The following DLGAP1 variants were observed in gnomAD, a reference collection of about 807,000 sequenced individuals.
The protein encoded by DLGAP1 is DLG associated protein 1.
Under a neutral mutation model 90.8 loss-of-function variants are expected in DLGAP1, and 11 were observed. The ratio of observed to expected loss-of-function variants is 0.12; its 90% CI spans 0.08 to 0.20. The LOEUF (loss-of-function observed/expected upper bound fraction) is 0.20, where lower values mean the gene tolerates loss of function less well. DLGAP1 is among the 10% of genes least tolerant of loss of function. The pLI, the probability that DLGAP1 is intolerant of heterozygous loss-of-function variation, is 1.00. For synonymous variants in DLGAP1, 558 were observed against 540.7 expected, an observed-to-expected ratio of 1.03 and a Z score of -0.44; for missense variants, 1,050 against 1,333.8, an observed-to-expected ratio of 0.79 and a Z score of 3.31.
chr18:4,110,285 A>T (rs8088728), intron 2 of DLGAP1, among the ~76,000 whole-genome samples: 78,830 of 152,054 alleles, frequency 0.52, 22,123 homozygotes, highest in African/African-American at 0.75. Context: ...TATTGAAACA[A>T]AGAAAAAGTA....
intron 2 of DLGAP1, among the ~76,000 whole-genome samples, chr18:4,149,801 C>T (rs2076643861): frequency 1.3e-5 from 2 of 152,218 alleles, no homozygotes; most frequent in Admixed American, 6.5e-5. Flanking sequence ...CCCCACCTCC[C>T]CACCCTGTCC....
intron 3 of DLGAP1, among the ~76,000 whole-genome samples, chr18:3,989,164 T>C (rs560317255): frequency 6.6e-6 from 1 of 152,358 alleles, no homozygotes; most frequent in East Asian, 1.9e-4. Flanking sequence ...TGGAGCAGCC[T>C]AGCTTGCGTC....
intron 5 of DLGAP1, among the ~76,000 whole-genome samples, chr18:3,785,358 C>T (rs897570159): frequency 2.0e-5 from 3 of 152,100 alleles, no homozygotes; most frequent in South Asian, 2.1e-4. Context: ...ACATCCCCTT[C>T]GCCCTCTGAA....
chr18:4,039,652 G>C (rs1318273174), intron 2 of DLGAP1, among the ~76,000 whole-genome samples: 1 of 152,132 alleles, frequency 6.6e-6, no homozygotes, highest in Non-Finnish European at 1.5e-5. Flanking sequence ...TGTAAAGTAA[G>C]CATGGGTTAA....
chr18:4,061,432 T>C (rs766694341), intron 2 of DLGAP1, among the ~76,000 whole-genome samples: 1 of 152,184 alleles, frequency 6.6e-6, no homozygotes, highest in Non-Finnish European at 1.5e-5. Context: ...GGGGTATTAT[T>C]CAGTTTACCC....
At chr18:3,536,683 A>C (rs2052399977) in intron 9 of DLGAP1, among the ~76,000 whole-genome samples, 1 of 152,126 alleles carries the variant, frequency 6.6e-6, no homozygotes, top group Non-Finnish European at 1.5e-5. Flanking sequence ...CTGTGCCTTT[A>C]ATTTTCTTTT....
At chr18:4,111,642 G>A (rs1325720722) in intron 2 of DLGAP1, among the ~76,000 whole-genome samples, 1 of 151,972 alleles carries the variant, frequency 6.6e-6, no homozygotes, top group Non-Finnish European at 1.5e-5. Flanking sequence ...CTTATAGGTC[G>A]ATTTAGATTT....
At chr18:4,250,257 G>C (rs747660834) in intron 1 of DLGAP1, among the ~76,000 whole-genome samples, 12 of 152,288 alleles carry the variant, frequency 7.9e-5, no homozygotes, top group Non-Finnish European at 1.5e-4. Context: ...TTAACCAAGA[G>C]GGCAAAATAT....
At chr18:3,583,622 T>C (rs781472569) in intron 7 of DLGAP1, among the ~76,000 whole-genome samples, 2 of 152,194 alleles carry the variant, frequency 1.3e-5, no homozygotes, top group Non-Finnish European at 2.9e-5. Flanking sequence ...CTCCCTAAAG[T>C]GTCTTTCTTT....
At chr18:4,146,393 A>G (rs1015461222) in intron 2 of DLGAP1, among the ~76,000 whole-genome samples, 1 of 152,204 alleles carries the variant, frequency 6.6e-6, no homozygotes. Context: ...CTGCCTTTTC[A>G]ACTCTATTTT....
intron 4 of DLGAP1, chr18:3,874,396 G>A (rs2148814147): frequency 1.4e-6 from 2 of 1,448,412 alleles, no homozygotes; most frequent in East Asian, 2.5e-5. Context: ...CTGTTTGAAG[G>A]GATTTTTCTT....
chr18:4,117,207 C>T lies in DLGAP1; in HGVS notation c.-159+33973G>A, dbSNP rs370042396. Among the ~76,000 whole-genome samples the T allele has an allele frequency of 8.2e-4, 125 of 152,304 alleles. 1 individual carries two copies. Among genetic ancestry groups the T allele is most frequent in the African/African-American group, 2.9e-3 (122 of 41,574 alleles). On this transcript the variant is annotated intron_variant, in intron 2 of 12. Coordinates refer to ENST00000315677, the MANE Select transcript of DLGAP1 (RefSeq NM_004746.4). ...CAAAAGAAACCAACACTGCTTACAT[C>T]TTGATCTTAGACTTCTAGCATCCAG...
chr18:4,029,840 C>T (rs2074764201), intron 2 of DLGAP1, among the ~76,000 whole-genome samples: 2 of 152,192 alleles, frequency 1.3e-5, no homozygotes, highest in Non-Finnish European at 2.9e-5. Context: ...GTAAGGCCCT[C>T]CACGATGGCC....
intron 5 of DLGAP1, among the ~76,000 whole-genome samples, chr18:3,771,820 A>C (rs947787910): frequency 6.6e-6 from 1 of 150,438 alleles, no homozygotes; most frequent in Non-Finnish European, 1.5e-5. Context: ...AGGTCTACTA[A>C]CTGCCTGCCC....
intron 1 of DLGAP1, among the ~76,000 whole-genome samples, chr18:4,223,653 T>C (rs2078126062): frequency 6.6e-6 from 1 of 152,208 alleles, no homozygotes. Context: ...ACCAGATATG[T>C]AAAGGCATTA....
chr18:3,854,132 A>T (rs1034328318), intron 4 of DLGAP1, among the ~76,000 whole-genome samples: 4 of 152,228 alleles, frequency 2.6e-5, no homozygotes, highest in Non-Finnish European at 4.4e-5. Flanking sequence ...AACACCTGTA[A>T]CAAAGTAATA....
chr18:3,560,734 A>AT (rs1210289155), intron 9 of DLGAP1, among the ~76,000 whole-genome samples: 9 of 150,404 alleles, frequency 6.0e-5, no homozygotes, highest in Admixed American at 1.3e-4. Flanking sequence ...ACTACTTTCT[A>AT]TTTTTTTGCC....
chr18:4,076,702 C>A (rs889539259), intron 2 of DLGAP1, among the ~76,000 whole-genome samples: 10 of 152,092 alleles, frequency 6.6e-5, no homozygotes, highest in Non-Finnish European at 1.5e-4. Context: ...CGGCTCACTG[C>A]AACCTCCACC....
intron 5 of DLGAP1, among the ~76,000 whole-genome samples, chr18:3,788,418 A>G (rs994967691): frequency 2.3e-4 from 35 of 152,068 alleles, no homozygotes; most frequent in African/African-American, 8.2e-4. Context: ...GTCAATTTTC[A>G]CTAACCTGCC....
Sources: allele counts gnomAD v4.1 joint callset (sites outside exome capture counted in the v4.1 genomes callset), GRCh38; gene constraint gnomAD v4.1.1; transcripts MANE v1.5; gene names NCBI Gene and HGNC (gene_info 2026-07-23, HGNC 2026-07-21).